DLC1: variants seen among roughly 807,000 people sequenced by gnomAD.
DLC1 encodes the protein DLC1 Rho GTPase activating protein, also known as rho GTPase-activating protein 7.
Under a neutral mutation model 140.3 loss-of-function variants are expected in DLC1, and 54 were observed. The ratio of observed to expected loss-of-function variants is 0.38; its 90% CI spans 0.31 to 0.48. The LOEUF (loss-of-function observed/expected upper bound fraction) is 0.48, where lower values mean the gene tolerates loss of function less well. DLC1 is among the 20% of genes least tolerant of loss of function. The probability of loss-of-function intolerance (pLI) is 0.96; values close to 1 mark genes in which losing one functional copy is unlikely to be tolerated. For synonymous variants in DLC1, 986 were observed against 728.1 expected, an observed-to-expected ratio of 1.35 and a Z score of -5.70; for missense variants, 2,536 against 1,907.0, an observed-to-expected ratio of 1.33 and a Z score of -6.14.
intron 4 of DLC1, among the ~76,000 whole-genome samples, chr8:13,321,030 G>C (rs771341210): frequency 3.3e-5 from 5 of 151,978 alleles, no homozygotes; most frequent in Non-Finnish European, 7.4e-5. Flanking sequence ...TGTACAGCCC[G>C]CAGAACCATG....
chr8:13,288,768 T>C (rs1831639129), intron 5 of DLC1, among the ~76,000 whole-genome samples: 1 of 152,126 alleles, frequency 6.6e-6, no homozygotes, highest in Admixed American at 6.6e-5. Context: ...GGCCTGCAAC[T>C]TTCTAGGGGA....
chr8:13,106,639 G>A (rs901194378), intron 7 of DLC1, among the ~76,000 whole-genome samples: 4 of 152,310 alleles, frequency 2.6e-5, no homozygotes, highest in East Asian at 1.9e-4. Flanking sequence ...GCCCGGCTAC[G>A]TGCTTACCTT....
chr8:13,168,540 T>C (rs1031151841), intron 5 of DLC1, among the ~76,000 whole-genome samples: 3 of 152,168 alleles, frequency 2.0e-5, no homozygotes, highest in Non-Finnish European at 4.4e-5. Flanking sequence ...CGTAGATTAA[T>C]GGTCAGGATA....
At chr8:13,136,378 T>G (rs1822560929) in intron 5 of DLC1, among the ~76,000 whole-genome samples, 1 of 152,144 alleles carries the variant, frequency 6.6e-6, no homozygotes. Context: ...TGTTGCCATC[T>G]TTATGTCCAT....
At chr8:13,529,934 T>C (rs1803044389) in intron 1 of DLC1, among the ~76,000 whole-genome samples, 1 of 152,198 alleles carries the variant, frequency 6.6e-6, no homozygotes, top group Non-Finnish European at 1.5e-5. Flanking sequence ...GAAAGGCTAC[T>C]AGGAAATTAC....
intron 2 of DLC1, among the ~76,000 whole-genome samples, chr8:13,477,516 G>A (rs1800489483): frequency 6.6e-6 from 1 of 152,092 alleles, no homozygotes; most frequent in South Asian, 2.1e-4. Context: ...ATGCAGGCTG[G>A]GAAATATGAT....
chr8:13,292,906 A>G (rs1229740042), intron 5 of DLC1, among the ~76,000 whole-genome samples: 1 of 152,172 alleles, frequency 6.6e-6, no homozygotes, highest in Non-Finnish European at 1.5e-5. Context: ...ATGTGATCCA[A>G]ACAAATTATA....
At chr8:13,438,748 C>T (rs1839233629) in intron 2 of DLC1, among the ~76,000 whole-genome samples, 1 of 152,174 alleles carries the variant, frequency 6.6e-6, no homozygotes, top group South Asian at 2.1e-4. Flanking sequence ...GCTCAAATGT[C>T]ATCTCTGTGC....
chr8:13,264,302 A>G (rs892905306), intron 5 of DLC1, among the ~76,000 whole-genome samples: 1 of 151,928 alleles, frequency 6.6e-6, no homozygotes, highest in South Asian at 2.1e-4. Context: ...CGAACTCCTG[A>G]CCTCAGGTCA....
At chr8:13,562,448 G>A (rs891537910) in intron 1 of DLC1, among the ~76,000 whole-genome samples, 13 of 152,094 alleles carry the variant, frequency 8.5e-5, no homozygotes, top group African/African-American at 3.1e-4. Flanking sequence ...AATGTAAGTG[G>A]CCTTTATGCA....
At chr8:13,184,033 T>C (rs1405790838) in intron 5 of DLC1, among the ~76,000 whole-genome samples, 1 of 152,190 alleles carries the variant, frequency 6.6e-6, no homozygotes, top group Admixed American at 6.5e-5. Context: ...TTCTTCCCAG[T>C]TTAGTCTTTG....
intron 5 of DLC1, chr8:13,214,346 G>GAT (rs948861414): frequency 1.9e-5 from 6 of 317,438 alleles, no homozygotes; most frequent in Non-Finnish European, 3.4e-5. Context: ...GGTTCTTTAG[G>GAT]AAAGTTTCCC....
At chr8:13,536,978 A>C (rs1248916131) in intron 1 of DLC1, among the ~76,000 whole-genome samples, 1 of 152,196 alleles carries the variant, frequency 6.6e-6, no homozygotes, top group Non-Finnish European at 1.5e-5. Context: ...TAAAATCTGC[A>C]AATCATTAAC....
At chr8:13,513,651 T>C (rs1802474128) in intron 1 of DLC1, among the ~76,000 whole-genome samples, 1 of 152,186 alleles carries the variant, frequency 6.6e-6, no homozygotes, top group African/African-American at 2.4e-5. Context: ...TTCAGAAATA[T>C]AACAGTATCT....
intron 1 of DLC1, among the ~76,000 whole-genome samples, chr8:13,533,068 C>T (rs886444286): frequency 5.3e-5 from 8 of 152,166 alleles, no homozygotes; most frequent in East Asian, 1.9e-4. Flanking sequence ...TTAGTTGAAA[C>T]GCTATGTGTC....
At chr8:13,354,705 G>A (rs1834838414) in intron 4 of DLC1, among the ~76,000 whole-genome samples, 1 of 151,550 alleles carries the variant, frequency 6.6e-6, no homozygotes, top group Admixed American at 6.6e-5. Context: ...AGCACTTTGG[G>A]AGGCCGAAGT....
intron 1 of DLC1, among the ~76,000 whole-genome samples, chr8:13,541,613 G>A: frequency 6.6e-6 from 1 of 152,078 alleles, no homozygotes; most frequent in South Asian, 2.1e-4. Flanking sequence ...GCAGTGGCGC[G>A]ATCTCGGCTC....
chr8:13,089,314 A>G (rs1411395530), intron 15 of DLC1, among the ~76,000 whole-genome samples: 1 of 150,424 alleles, frequency 6.6e-6, no homozygotes, highest in Non-Finnish European at 1.5e-5. Flanking sequence ...GACCTATATC[A>G]GAGTGCATGC....
In DLC1 at chr8:13,085,720, A is replaced by G. The variant is rs1430634081; in HGVS notation, c.*91T>C. The stretch of plus-strand genomic sequence containing the variant: ...TCCAGCTTGTAGTTTTCTTTGTTTC[A>G]GGATTAGACACAGAACCCATTCTTC... On this transcript the variant is annotated 3_prime_UTR_variant, in exon 18 of 18. Coordinates refer to ENST00000276297, the MANE Select transcript of DLC1 (RefSeq NM_182643.3). The G allele has an allele frequency of 2.6e-6, 4 of 1,550,078 alleles. No individual in the cohort carries two copies. Among genetic ancestry groups the G allele is most frequent in the Non-Finnish European group, 3.5e-6 (4 of 1,148,912 alleles).
Sources: allele counts gnomAD v4.1 joint callset (sites outside exome capture counted in the v4.1 genomes callset), GRCh38; gene constraint gnomAD v4.1.1; transcripts MANE v1.5; gene names NCBI Gene and HGNC (gene_info 2026-07-23, HGNC 2026-07-21).